The following HAO1 variants were observed in gnomAD, a reference collection of about 807,000 sequenced individuals.
The protein encoded by HAO1 is 2-Hydroxyacid oxidase 1.
A neutral mutation model predicts 39.7 loss-of-function variants in HAO1; 34 were observed. The ratio of observed to expected loss-of-function variants is 0.86; its 90% CI spans 0.65 to 1.14. HAO1 has a LOEUF of 1.14. Among genes scored for constraint, HAO1 ranks in the 50% most tolerant of loss-of-function variants. The pLI, the probability that HAO1 is intolerant of heterozygous loss-of-function variation, is 0.00. For missense variants in HAO1, 479 were observed against 464.5 expected (o/e 1.03, Z -0.29); for synonymous variants, 172 against 173.2 (o/e 0.99, Z 0.05).
At chr20:7,934,364 A>C (rs1371239598) in intron 2 of HAO1, 120 bp downstream of exon 2, 2 of 683,062 alleles carry the variant, frequency 2.9e-6, no homozygotes, top group African/African-American at 1.8e-5. Flanking sequence ...GATAGAGTCC[A>C]TGAGCTTAAT....
rs371141199 is a variant in HAO1 at position 7,906,322 on chromosome 20, T to G, written c.553A>C (p.Asn185His). ...AATGATAAAGTACTGGTTTCAAAAT[T>G]TTTCATCCTAAAATAAGAAATGCAT... ...FKLPPQLRMK[N>H]FETSTLSFSP... The change falls in exon 4 of 8, where the codon AAT (asparagine) becomes CAT (histidine). Residue 185 changes from asparagine (N) to histidine (H), a missense_variant. Asn to His is a moderately conservative substitution (Grantham distance 68). Transcript: ENST00000378789. 1 of 1,590,858 alleles carries G rather than the reference T, an allele frequency of 6.3e-7. No individual in the cohort carries two copies. Among genetic ancestry groups the G allele is most frequent in the South Asian group, 1.1e-5 (1 of 89,378 alleles).
intron 5 of HAO1, among the ~76,000 whole-genome samples, chr20:7,890,385 T>TAAAA (rs2050169029): frequency 6.6e-6 from 1 of 152,016 alleles, no homozygotes; most frequent in Non-Finnish European, 1.5e-5. Context: ...GGCTAATTTT[T>TAAAA]GTGTATTTAG....
intron 2 of HAO1, among the ~76,000 whole-genome samples, chr20:7,923,898 G>A (rs1456496377): frequency 6.6e-6 from 1 of 152,136 alleles, no homozygotes; most frequent in Non-Finnish European, 1.5e-5. Context: ...GAATATGTGT[G>A]ATGTCCTGAG....
intron 2 of HAO1, among the ~76,000 whole-genome samples, chr20:7,923,671 C>A (rs1422308005): frequency 1.3e-5 from 2 of 152,130 alleles, no homozygotes; most frequent in Non-Finnish European, 2.9e-5. Flanking sequence ...CCAACAGGAA[C>A]TTTCATCCCA....
At chr20:7,913,368 T>C (rs929113324) in intron 3 of HAO1, among the ~76,000 whole-genome samples, 5 of 152,126 alleles carry the variant, frequency 3.3e-5, no homozygotes, top group Non-Finnish European at 7.3e-5. Context: ...CTGAGGTACA[T>C]TATACATTCA....
At chr20:7,887,613 C>T (rs1414774102) in intron 5 of HAO1, among the ~76,000 whole-genome samples, 1 of 152,062 alleles carries the variant, frequency 6.6e-6, no homozygotes, top group African/African-American at 2.4e-5. Context: ...CATATAAATG[C>T]TATAATTTCC....
Position 7,885,799 on chromosome 20 carries a change from A to T in HAO1, c.879T>A (p.Gly293=). ...EGKVEVFLDG[G]VRKGTDVLKA... ...TCAGAACATCAGTGCCTTTCCGCACACCCCCGTCCAGGAAGACTTCCACCT... is the reference window on the plus strand; with the variant it reads ...TCAGAACATCAGTGCCTTTCCGCACTCCCCCGTCCAGGAAGACTTCCACCT... The change falls in exon 6 of 8, where the codon GGT becomes GGA. Residue 293 remains glycine (G), a synonymous_variant. Transcript: ENST00000378789. 6.2e-7 allele frequency: 1 copy of T among 1,613,400 alleles called. No homozygotes were observed. The highest frequency in any genetic ancestry group is 1.1e-5 in the South Asian group (1 of 91,070).
intron 5 of HAO1, among the ~76,000 whole-genome samples, chr20:7,890,992 G>A (rs889186669): frequency 6.6e-6 from 1 of 152,168 alleles, no homozygotes; most frequent in African/African-American, 2.4e-5. Flanking sequence ...ATCGTGAACT[G>A]TGCTTCTATA....
chr20:7,898,279 C>A (rs553425117), intron 4 of HAO1, among the ~76,000 whole-genome samples: 17 of 152,252 alleles, frequency 1.1e-4, no homozygotes, highest in African/African-American at 4.1e-4. Flanking sequence ...CATTCTATTA[C>A]ATAATCTACC....
intron 7 of HAO1, among the ~76,000 whole-genome samples, chr20:7,885,143 C>T (rs1343121276): frequency 6.6e-6 from 1 of 152,080 alleles, no homozygotes; most frequent in African/African-American, 2.4e-5. Context: ...GCAGGTTTAA[C>T]GTGGAAAGTT....
intron 3 of HAO1, among the ~76,000 whole-genome samples, chr20:7,912,594 A>G (rs1375189992): frequency 6.7e-6 from 1 of 149,574 alleles, no homozygotes; most frequent in Non-Finnish European, 1.5e-5. Flanking sequence ...AAAAAAAAAA[A>G]GTAGTCAAAA....
At position 7,899,442 on chromosome 20, in the gene HAO1, C is replaced by T. The variant is rs533100644; in HGVS notation, c.722-4218G>A. On this transcript the variant is annotated intron_variant, in intron 4 of 7. Coordinates refer to ENST00000378789, the MANE Select transcript of HAO1 (RefSeq NM_017545.3). The stretch of plus-strand genomic sequence containing the variant: ...TATTTGCAGGATGCGTTTGGCAACT[C>T]TATTTGGGTTCTGTTTATAACAGTT... Among the ~76,000 whole-genome samples, 6 of 152,216 alleles carry T rather than the reference C, an allele frequency of 3.9e-5. No homozygotes were observed. In the East Asian group the frequency reaches 9.6e-4, roughly 24 times the overall value.
chr20:7,920,277 A>G (rs2050324822), intron 2 of HAO1, among the ~76,000 whole-genome samples: 1 of 152,042 alleles, frequency 6.6e-6, no homozygotes, highest in African/African-American at 2.4e-5. Context: ...CCCTTTCACC[A>G]TGATTGTAAG....
chr20:7,936,547 TTCGCGCGC>T (rs2050412054), intron 1 of HAO1, among the ~76,000 whole-genome samples: 29 of 136,640 alleles, frequency 2.1e-4, no homozygotes, highest in South Asian at 2.5e-4. Context: ...TGTGTGTGTG[TTCGCGCGC>T]GCGCGCGCGC....
chr20:7,927,815 C>A (rs1158862645), intron 2 of HAO1, among the ~76,000 whole-genome samples: 2 of 152,280 alleles, frequency 1.3e-5, no homozygotes, highest in East Asian at 3.9e-4. Context: ...CAGTTAATGA[C>A]GTTTGGAAAT....
chr20:7,909,887 A>G (rs537622473), intron 3 of HAO1, among the ~76,000 whole-genome samples: 31 of 152,304 alleles, frequency 2.0e-4, no homozygotes, highest in Admixed American at 1.7e-3. Flanking sequence ...ACACTGATAC[A>G]TGGGCCACCA....
At chr20:7,921,829 A>G (rs180943057) in intron 2 of HAO1, among the ~76,000 whole-genome samples, 2 of 152,276 alleles carry the variant, frequency 1.3e-5, no homozygotes, top group African/African-American at 4.8e-5. Context: ...CTGGAAATCA[A>G]TAACCTAAGT....
In HAO1 at chr20:7,883,666, GA is replaced by G; in HGVS notation, c.1043-4del. 6.2e-7 allele frequency: 1 copy of G among 1,601,990 alleles called. No homozygotes were observed. Among genetic ancestry groups the G allele is most frequent in the Non-Finnish European group, 8.6e-7 (1 of 1,169,116 alleles). On this transcript the variant is annotated splice_region_variant and splice_polypyrimidine_tract_variant and intron_variant, in intron 7 of 7. Coordinates refer to ENST00000378789, the MANE Select transcript of HAO1 (RefSeq NM_017545.3). ...GATGACTTTCACATTCTGGCACCCT[GA>G]AAAAATAATGCATACATTTAATATG...
intron 3 of HAO1, among the ~76,000 whole-genome samples, chr20:7,907,615 C>T (rs2050254503): frequency 6.6e-6 from 1 of 152,190 alleles, no homozygotes; most frequent in Non-Finnish European, 1.5e-5. Context: ...CAAAGTACCA[C>T]TGAGTTGCTT....
Sources: gnomAD v4.1 joint callset for allele counts (sites outside exome capture counted in the v4.1 genomes callset) on GRCh38, gnomAD v4.1.1 for gene constraint, MANE v1.5 for transcripts, NCBI Gene and HGNC (gene_info 2026-07-23, HGNC 2026-07-21) for gene names.